The following MKRN1 variants were observed in gnomAD, a reference collection of about 807,000 sequenced individuals.
MKRN1 encodes makorin ring finger protein 1.
In MKRN1, 9 loss-of-function variants were observed where a neutral mutation model predicts 55.5. The observed-to-expected ratio is 0.16, with a 90% CI of 0.10 to 0.28. MKRN1 has a LOEUF of 0.28. MKRN1 is among the 10% of genes least tolerant of loss of function. The probability of loss-of-function intolerance (pLI) is 1.00; values close to 1 mark genes in which losing one functional copy is unlikely to be tolerated. For missense variants in MKRN1, 488 were observed against 626.7 expected (o/e 0.78, Z 2.36); for synonymous variants, 253 against 235.9 (o/e 1.07, Z -0.66).
rs140930652 is a variant in MKRN1 at position 140,460,029 on chromosome 7, C to T, written c.315-93G>A. 2.2e-3 allele frequency: 2,424 copies of T among 1,123,544 alleles called. 26 individuals are homozygous for T. In the East Asian group the frequency reaches 0.024, roughly 11 times the overall value. The allele number at this position is 1,123,544 out of a possible 1,614,324, so 69.6% of individuals were successfully genotyped here. A position where few individuals can be genotyped will look rare whatever the true frequency, so the allele number is the denominator to read the frequency against. ...TGGGAAGCTGAGGTGGGTGGATCAC[C>T]AGAGAGGTTGGGAGTTCGAGACCAG... is the stretch of plus-strand genomic sequence containing the variant. On this transcript the variant is annotated intron_variant, in intron 2 of 7. Coordinates refer to ENST00000255977, the MANE Select transcript of MKRN1 (RefSeq NM_013446.4).
chr7:140,455,039 A>G, intron 7 of MKRN1, 56 bp downstream of exon 7: 1 of 1,601,154 alleles, frequency 6.2e-7, no homozygotes, highest in Non-Finnish European at 8.5e-7. Flanking sequence ...CAATATGTGC[A>G]GGACTCAACT....
At chr7:140,478,916 T>G in intron 1 of MKRN1, 1 of 356,026 alleles carries the variant, frequency 2.8e-6, no homozygotes, top group Non-Finnish European at 4.8e-6. Context: ...GGCTCCGCAG[T>G]AATCGCGCAC....
At chr7:140,468,718 AAAAAAAAG>A (rs1312885946) in intron 2 of MKRN1, among the ~76,000 whole-genome samples, 38 of 145,150 alleles carry the variant, frequency 2.6e-4, no homozygotes, top group African/African-American at 8.7e-4. Context: ...AAAAAAAAAA[AAAAAAAAG>A]ACATGCCTGG....
intron 6 of MKRN1, 49 bp from the exon 7 acceptor site, chr7:140,455,282 G>GAA: frequency 1.2e-6 from 2 of 1,607,944 alleles, no homozygotes; most frequent in Non-Finnish European, 1.7e-6. Flanking sequence ...TTTCAGGTCT[G>GAA]TATTTGACTA....
intron 1 of MKRN1, chr7:140,478,886 AAGC>A: frequency 3.5e-6 from 1 of 289,646 alleles, no homozygotes; most frequent in Non-Finnish European, 6.3e-6. Flanking sequence ...AGGGAAGTGT[AAGC>A]GGCGGTGCAG....
At chr7:140,473,075 GACA>G (rs1333768679) in intron 1 of MKRN1, among the ~76,000 whole-genome samples, 1 of 151,488 alleles carries the variant, frequency 6.6e-6, no homozygotes, top group East Asian at 2.0e-4. Flanking sequence ...CTCCAGCCTG[GACA>G]ACAGAGAGAC....
intron 2 of MKRN1, among the ~76,000 whole-genome samples, chr7:140,463,513 A>G (rs1446738057): frequency 6.6e-6 from 1 of 152,240 alleles, no homozygotes; most frequent in African/African-American, 2.4e-5. Context: ...AGATAGCAAC[A>G]TGAAGAACAT....
At chr7:140,474,406 T>C (rs745419100) in intron 1 of MKRN1, 25 of 355,274 alleles carry the variant, frequency 7.0e-5, no homozygotes, top group Non-Finnish European at 1.7e-5. Flanking sequence ...CTTGGGAGGC[T>C]GAGGCAGAAT....
intron 2 of MKRN1, among the ~76,000 whole-genome samples, chr7:140,463,913 GC>G (rs1302279888): frequency 6.6e-6 from 1 of 151,832 alleles, no homozygotes; most frequent in Admixed American, 6.6e-5. Context: ...AAGAAATCCA[GC>G]CCAAAGCCTC....
chr7:140,460,198 G>A (rs1242875020), intron 2 of MKRN1: 4 of 352,278 alleles, frequency 1.1e-5, no homozygotes, highest in East Asian at 1.3e-4. Context: ...GGTGAGCCGA[G>A]ATCATGCCAC....
intron 2 of MKRN1, among the ~76,000 whole-genome samples, chr7:140,466,972 A>G (rs1024099900): frequency 5.1e-4 from 71 of 140,394 alleles, no homozygotes; most frequent in Non-Finnish European, 5.6e-4. Context: ...GTTCCTTTCA[A>G]CTTTTTCTTT....
Position 140,459,922 on chromosome 7 carries a change from T to A in MKRN1, c.329A>T (p.Lys110Ile), listed in dbSNP as rs775217973. The A allele has an allele frequency of 6.2e-7, 1 of 1,613,786 alleles. No individual in the cohort carries two copies. The highest frequency in any genetic ancestry group is 8.5e-7 in the Non-Finnish European group (1 of 1,179,760). ...AGTTGCTTCTTCCTGTTTCAATGGTTTGCTATGTTCATATCTAAGAAAAAA... is the reference window on the plus strand; with the variant it reads ...AGTTGCTTCTTCCTGTTTCAATGGTATGCTATGTTCATATCTAAGAAAAAA... The part of the protein sequence containing the change: ...YGDRCRYEHS[K>I]PLKQEEATAT... Residue 110 changes from lysine to isoleucine, a missense_variant, in exon 3 of 8, where the codon AAA (lysine) becomes ATA (isoleucine). By Grantham distance (102) the Lys-to-Ile change is moderately radical. This residue lies in a region of MKRN1 where 210 missense variants were observed against 220.0 expected (regional missense o/e 0.95). Coordinates refer to ENST00000255977, the MANE Select transcript of MKRN1 (RefSeq NM_013446.4).
intron 1 of MKRN1, 186 bp from the exon 2 acceptor site, chr7:140,472,197 G>A: frequency 1.2e-5 from 9 of 722,358 alleles, no homozygotes; most frequent in Non-Finnish European, 1.7e-5. Context: ...GAGGTGAGTG[G>A]CTCACCTGAG....
chr7:140,474,379 A>G, intron 1 of MKRN1: 1 of 292,120 alleles, frequency 3.4e-6, no homozygotes, highest in Non-Finnish European at 7.0e-6. Flanking sequence ...GGTGGCACAC[A>G]CCTGTAGTCC....
intron 2 of MKRN1, among the ~76,000 whole-genome samples, chr7:140,467,433 A>G (rs1190231911): frequency 1.3e-5 from 2 of 151,950 alleles, no homozygotes; most frequent in African/African-American, 4.8e-5. Context: ...ACGTGCCACC[A>G]TGCCCAGCTA....
At chr7:140,458,902 C>A in intron 4 of MKRN1, 105 bp downstream of exon 4, 1 of 1,214,752 alleles carries the variant, frequency 8.2e-7, no homozygotes, top group Non-Finnish European at 1.2e-6. Flanking sequence ...TCACTGATAA[C>A]CATTCAATTC....
Position 140,453,592 on chromosome 7 carries a change from C to G in MKRN1, c.*925G>C, listed in dbSNP as rs1366811678. ...CAGTTTGTGTTATTATATGGGATAA[C>G]CAGGTAGTTTTAACCTCTATGGCTA... On this transcript the variant is annotated 3_prime_UTR_variant, in exon 8 of 8. Coordinates refer to ENST00000255977, the MANE Select transcript of MKRN1 (RefSeq NM_013446.4). The G allele has an allele frequency of 6.6e-6, 1 of 152,470 alleles. No individual in the cohort carries two copies. The highest frequency in any genetic ancestry group is 1.5e-5 in the Non-Finnish European group (1 of 68,046). The allele number at this position is 152,470 out of a possible 1,614,324, so 9.4% of individuals were successfully genotyped here.
At chr7:140,454,844 G>T in intron 7 of MKRN1, 115 bp from the exon 8 acceptor site, 1 of 1,178,694 alleles carries the variant, frequency 8.5e-7, no homozygotes, top group Non-Finnish European at 1.2e-6. Flanking sequence ...AGACTTCTTA[G>T]TTAGGGTTTC....
At position 140,454,479 on chromosome 7, in the gene MKRN1, T is replaced by C. The variant is rs755751111; in HGVS notation, c.*38A>G. 2 of 1,569,566 alleles carry C rather than the reference T, an allele frequency of 1.3e-6. No individual in the cohort carries two copies. The highest frequency in any genetic ancestry group is 2.3e-5 in the South Asian group (2 of 88,366). On this transcript the variant is annotated 3_prime_UTR_variant, in exon 8 of 8. Coordinates refer to ENST00000255977, the MANE Select transcript of MKRN1 (RefSeq NM_013446.4). The stretch of plus-strand genomic sequence containing the variant: ...ACCACCACAGGGGACAGCTGCTGTC[T>C]GAGGTCAGCAGACCAGTTCACACGC...
Sources: allele counts gnomAD v4.1 joint callset (sites outside exome capture counted in the v4.1 genomes callset), GRCh38; gene constraint gnomAD v4.1.1; regional missense constraint gnomAD v4.1.1; transcripts MANE v1.5; gene names NCBI Gene and HGNC (gene_info 2026-07-23, HGNC 2026-07-21).